Variants in DSCAM observed in about 807,000 individuals in gnomAD.
DSCAM encodes DS cell adhesion molecule, also known as cell adhesion molecule DSCAM.
In DSCAM, 47 loss-of-function variants were observed where a neutral mutation model predicts 217.7. That is an observed-to-expected ratio of 0.22 (90% CI 0.17 to 0.28). The LOEUF (loss-of-function observed/expected upper bound fraction) is 0.28. DSCAM is among the 10% of genes least tolerant of loss of function. The pLI is 1.00. For synonymous variants in DSCAM, 1,056 were observed against 1,015.3 expected (o/e 1.04, Z -0.76); for missense variants, 2,080 against 2,618.3 (o/e 0.79, Z 4.49).
At chr21:40,324,459 A>C (rs543548616) in intron 8 of DSCAM, among the ~76,000 whole-genome samples, 1 of 152,320 alleles carries the variant, frequency 6.6e-6, no homozygotes, top group East Asian at 1.9e-4. Flanking sequence ...TGTCAACCAG[A>C]TGCCTAAAGG....
chr21:40,800,634 G>A lies in DSCAM; in HGVS notation c.43+45985C>T, dbSNP rs564066684. Among the ~76,000 whole-genome samples the A allele has an allele frequency of 5.7e-4, 86 of 152,176 alleles. No individual in the cohort carries two copies. In the South Asian group the frequency reaches 0.018, roughly 31 times the overall value. On this transcript the variant is annotated intron_variant, in intron 1 of 32. Coordinates refer to ENST00000400454, the MANE Select transcript of DSCAM (RefSeq NM_001389.5). The stretch of plus-strand genomic sequence containing the variant: ...TGGTTGAAGCGTGTCCCTGCCCAAG[G>A]GCTTTATGGAAGGCCAAACTTAAGA...
chr21:40,709,131 C>T (rs2090749738), intron 1 of DSCAM, among the ~76,000 whole-genome samples: 1 of 152,106 alleles, frequency 6.6e-6, no homozygotes, highest in Non-Finnish European at 1.5e-5. Flanking sequence ...TAGAGATAAG[C>T]CTCATGAGGA....
intron 3 of DSCAM, among the ~76,000 whole-genome samples, chr21:40,425,824 CAT>C (rs1211660719): frequency 2.0e-5 from 3 of 152,064 alleles, no homozygotes; most frequent in African/African-American, 7.2e-5. Flanking sequence ...TACACACACA[CAT>C]GCATGTGTAT....
chr21:40,366,309 A>G (rs1160695576), intron 4 of DSCAM, among the ~76,000 whole-genome samples: 1 of 152,088 alleles, frequency 6.6e-6, no homozygotes, highest in Non-Finnish European at 1.5e-5. Flanking sequence ...TTTGTCAGAC[A>G]TCTATACATT....
intron 8 of DSCAM, among the ~76,000 whole-genome samples, chr21:40,325,757 T>G (rs2074310440): frequency 6.6e-6 from 1 of 152,108 alleles, no homozygotes; most frequent in African/African-American, 2.4e-5. Flanking sequence ...TTGTCACAAA[T>G]AGAAACACAG....
chr21:40,102,942 T>C (rs2089773485), intron 20 of DSCAM, among the ~76,000 whole-genome samples: 1 of 152,136 alleles, frequency 6.6e-6, no homozygotes, highest in Admixed American at 6.6e-5. Context: ...CCTCTACTCC[T>C]TTTACTCACC....
At chr21:40,698,869 TAAA>T (rs56775350) in intron 2 of DSCAM, among the ~76,000 whole-genome samples, 5,633 of 108,028 alleles carry the variant, frequency 0.052, 193 homozygotes, top group East Asian at 0.14. Flanking sequence ...GAATCCGTCT[TAAA>T]AAAAAAAAAA....
rs556437713 is a variant in DSCAM at position 40,433,962 on chromosome 21, C to T, written c.509-64717G>A. Among the ~76,000 whole-genome samples the T allele has an allele frequency of 1.4e-4, 22 of 152,338 alleles. 1 individual carries two copies. The highest frequency in any genetic ancestry group is 4.6e-4 in the African/African-American group (19 of 41,584). ...TATCACCTGCGTTGGGCGATGTCAC[C>T]TGAGGCAGCTGGAGTCCACACCACA... On this transcript the variant is annotated intron_variant, in intron 3 of 32. Transcript: ENST00000400454.
intron 3 of DSCAM, among the ~76,000 whole-genome samples, chr21:40,398,833 C>T (rs2075206672): frequency 1.3e-5 from 2 of 152,052 alleles, no homozygotes; most frequent in African/African-American, 4.8e-5. Flanking sequence ...CGGGATCTGC[C>T]CACCTCTGCC....
intron 11 of DSCAM, among the ~76,000 whole-genome samples, chr21:40,208,751 C>CA (rs1272916543): frequency 7.9e-5 from 12 of 152,304 alleles, no homozygotes; most frequent in Non-Finnish European, 1.6e-4. Context: ...TAGCCCTACA[C>CA]AAAATCCCCT....
chr21:40,108,516 T>A (rs569844185), intron 20 of DSCAM, among the ~76,000 whole-genome samples: 22 of 152,292 alleles, frequency 1.4e-4, no homozygotes, highest in African/African-American at 4.8e-4. Context: ...CACAAACAAA[T>A]GGAAAAACAT....
intron 32 of DSCAM, among the ~76,000 whole-genome samples, chr21:40,027,133 T>TGAAG (rs1356892858): frequency 6.6e-6 from 1 of 152,080 alleles, no homozygotes; most frequent in East Asian, 1.9e-4. Context: ...CCTTCACTTA[T>TGAAG]GAAGCTTAGT....
intron 27 of DSCAM, among the ~76,000 whole-genome samples, chr21:40,068,274 A>G (rs1479386441): frequency 6.6e-6 from 1 of 152,134 alleles, no homozygotes; most frequent in African/African-American, 2.4e-5. Context: ...GAACAGTTAC[A>G]TTTGGGTGGC....
At chr21:40,819,701 C>T (rs114715473) in intron 1 of DSCAM, among the ~76,000 whole-genome samples, 2,416 of 152,246 alleles carry the variant, frequency 0.016, 58 homozygotes, top group African/African-American at 0.055. Context: ...CAACATTCTT[C>T]TCATGAATAT....
intron 3 of DSCAM, among the ~76,000 whole-genome samples, chr21:40,507,818 T>C: frequency 6.6e-6 from 1 of 152,010 alleles, no homozygotes; most frequent in East Asian, 1.9e-4. Flanking sequence ...AAAAATAACT[T>C]ACATTCACAG....
At chr21:40,842,522 T>C (rs1356458966) in intron 1 of DSCAM, among the ~76,000 whole-genome samples, 2 of 152,218 alleles carry the variant, frequency 1.3e-5, no homozygotes, top group African/African-American at 2.4e-5. Flanking sequence ...TCCTTTTATT[T>C]TGCAAACATA....
Position 40,513,856 on chromosome 21 carries a change from TAAC to T in DSCAM, c.509-144614_509-144612del, listed in dbSNP as rs781364857. 9.9e-5 allele frequency among the ~76,000 whole-genome samples: 15 copies of T among 152,020 alleles called. No individual in the cohort carries two copies. The South Asian group carries it at 2.5e-3, about 25-fold the overall frequency. On this transcript the variant is annotated intron_variant, in intron 3 of 32. Transcript: ENST00000400454. ...AATTTAAAAATAAAAAAACTGTATG[TAAC>T]AACAACAACAACAACAAAAACAAGT...
chr21:40,709,586 G>A (rs556733732), intron 1 of DSCAM, among the ~76,000 whole-genome samples: 11 of 152,128 alleles, frequency 7.2e-5, no homozygotes, highest in South Asian at 4.1e-4. Context: ...GAGAACACGC[G>A]GTGTTTGCTT....
intron 3 of DSCAM, among the ~76,000 whole-genome samples, chr21:40,396,821 T>C (rs934700576): frequency 2.0e-5 from 3 of 152,164 alleles, no homozygotes; most frequent in Non-Finnish European, 4.4e-5. Context: ...ACATAGAAAT[T>C]GACCCTCCCA....
Sources: gnomAD v4.1 joint callset for allele counts (sites outside exome capture counted in the v4.1 genomes callset) on GRCh38, gnomAD v4.1.1 for gene constraint, MANE v1.5 for transcripts, NCBI Gene and HGNC (gene_info 2026-07-23, HGNC 2026-07-21) for gene names.